The following FBN2 variants were observed in gnomAD, a reference collection of about 807,000 sequenced individuals.
FBN2 encodes the protein fibrillin 2.
FBN2 carries 105 observed loss-of-function variants against 355.6 expected under a neutral mutation model. The observed-to-expected ratio is 0.30, with a 90% confidence interval of 0.25 to 0.35. FBN2 has a LOEUF of 0.35. Among genes scored for constraint, FBN2 ranks in the 10% least tolerant of loss-of-function variants. FBN2 has a pLI of 1.00. For missense variants in FBN2, 3,280 were observed against 3,758.7 expected (o/e 0.87, Z 3.33); for synonymous variants, 1,350 against 1,301.2 (o/e 1.04, Z -0.81).
chr5:128,274,007 A>G (rs751726752), intron 60 of FBN2, 39 bp from the exon 61 acceptor site: 2 of 1,612,158 alleles, frequency 1.2e-6, no homozygotes, highest in Non-Finnish European at 1.7e-6. Context: ...AAACTTTCCA[A>G]TCATAACATG....
At chr5:128,278,569 C>G in intron 57 of FBN2, 66 bp downstream of exon 57, 4 of 1,461,604 alleles carry the variant, frequency 2.7e-6, no homozygotes, top group Non-Finnish European at 2.9e-6. Context: ...ACTTTTCCTT[C>G]ACATTTATCT....
rs1561750168 is a variant in FBN2, at chr5:128,289,195, G to C, written c.6569C>G (p.Thr2190Ser). ...ACATTCACAGCGAAAAGATCCGTCG[G>C]TGTTGATACATTGACCATTTGAACA... ...GICSNGQCINTDGSFRCECPM... is the reference protein window; with the variant it reads ...GICSNGQCINSDGSFRCECPM... Residue 2190 changes from threonine (T) to serine (S), a missense_variant, in exon 52 of 65, where the codon ACC becomes AGC. Physicochemically the swap from Thr to Ser is moderately conservative, Grantham distance 58. This residue lies in a region of FBN2 where 2,284 missense variants were observed against 2,749.5 expected (regional missense o/e 0.83). Transcript: ENST00000262464. 15 of 1,613,348 alleles carry C rather than the reference G, an allele frequency of 9.3e-6. No individual in the cohort carries two copies. Among genetic ancestry groups the C allele is most frequent in the Non-Finnish European group, 1.3e-5 (15 of 1,179,242 alleles).
chr5:128,436,492 G>A (rs1323057749), intron 7 of FBN2, among the ~76,000 whole-genome samples: 1 of 151,966 alleles, frequency 6.6e-6, no homozygotes, highest in Non-Finnish European at 1.5e-5. Flanking sequence ...CAACATAAAT[G>A]TATCATAAAA....
Position 128,538,079 on chromosome 5 carries a change from A to C in FBN2, c.-476T>G. ...ACCAGAAAGAAACAGGCAAGCAAACAAAAGTCGCCCCCAGAAGAAGAGGAG... is the reference window on the plus strand; with the variant it reads ...ACCAGAAAGAAACAGGCAAGCAAACCAAAGTCGCCCCCAGAAGAAGAGGAG... On this transcript the variant is annotated 5_prime_UTR_variant, in exon 1 of 65. Coordinates refer to ENST00000262464, the MANE Select transcript of FBN2 (RefSeq NM_001999.4). 6.1e-6 allele frequency: 1 copy of C among 163,840 alleles called. No individual in the cohort carries two copies. The highest frequency in any genetic ancestry group is 1.3e-5 in the Non-Finnish European group (1 of 75,960). The allele number at this position is 163,840 out of a possible 1,614,324, so 10.1% of individuals were successfully genotyped here.
At chr5:128,411,444 G>A (rs547937476) in intron 7 of FBN2, among the ~76,000 whole-genome samples, 25 of 152,230 alleles carry the variant, frequency 1.6e-4, no homozygotes, top group African/African-American at 3.9e-4. Flanking sequence ...GGTGGAAAGC[G>A]GACGGAGTGG....
rs550153318 is a variant in FBN2 at position 128,351,096 on chromosome 5, T to TA, written c.2675-92dup. ...ACAAAAGGCATTTGTTACAGTATTC[T>TA]AAAAAAGAAAGATTACTGGCTCACG... On this transcript the variant is annotated intron_variant, in intron 20 of 64. Coordinates refer to ENST00000262464, the MANE Select transcript of FBN2 (RefSeq NM_001999.4). 12 of 1,504,860 alleles carry TA rather than the reference T, an allele frequency of 8.0e-6. No individual in the cohort carries two copies. The African/African-American group carries it at 1.4e-4, about 17-fold the overall frequency. 93.2% of individuals were successfully genotyped at this position (1,504,860 alleles called of 1,614,324 possible).
intron 7 of FBN2, among the ~76,000 whole-genome samples, chr5:128,414,929 A>G (rs1375870957): frequency 1.3e-5 from 2 of 152,074 alleles, no homozygotes; most frequent in African/African-American, 4.8e-5. Context: ...TTGTCTTTGG[A>G]GAAATATCTG....
chr5:128,496,949 A>G (rs1368231488), intron 5 of FBN2, among the ~76,000 whole-genome samples: 1 of 152,152 alleles, frequency 6.6e-6, no homozygotes, highest in African/African-American at 2.4e-5. Context: ...CTCTATTACA[A>G]TAGCACTAAA....
Position 128,280,182 on chromosome 5 carries a change from G to A in FBN2, c.7138+10C>T, listed in dbSNP as rs1187342807. ...TCTACCAAGTATAATATATTTGGAT[G>A]TCAACTTACCAAGGCATTCAGTGCC... is the stretch of plus-strand genomic sequence containing the variant. On this transcript the variant is annotated intron_variant, in intron 56 of 64. Coordinates refer to ENST00000262464, the MANE Select transcript of FBN2 (RefSeq NM_001999.4). 4.4e-6 allele frequency: 7 copies of A among 1,608,850 alleles called. No homozygotes were observed. Among genetic ancestry groups the A allele is most frequent in the African/African-American group, 1.3e-5 (1 of 74,814 alleles).
chr5:128,333,044 C>A lies in FBN2; in HGVS notation c.4100-10G>T. On this transcript the variant is annotated splice_polypyrimidine_tract_variant and intron_variant, in intron 31 of 64. Coordinates refer to ENST00000262464, the MANE Select transcript of FBN2 (RefSeq NM_001999.4). ...TCACACTCATCCACATCTGATAAACCATAATTCATAAGAAGAAAATCAAAA... is the reference window on the plus strand; with the variant it reads ...TCACACTCATCCACATCTGATAAACAATAATTCATAAGAAGAAAATCAAAA... 1.2e-6 allele frequency: 2 copies of A among 1,607,420 alleles called. No homozygotes were observed. Among genetic ancestry groups the A allele is most frequent in the Non-Finnish European group, 1.7e-6 (2 of 1,174,040 alleles).
At chr5:128,437,815 T>TAGAC (rs1418072008) in intron 7 of FBN2, among the ~76,000 whole-genome samples, 1,168 of 109,248 alleles carry the variant, frequency 0.011, 6 homozygotes, top group East Asian at 0.037. Flanking sequence ...GATAGATAGA[T>TAGAC]AGATAGACAG....
intron 32 of FBN2, among the ~76,000 whole-genome samples, chr5:128,332,337 C>T (rs918812298): frequency 1.3e-5 from 2 of 152,166 alleles, no homozygotes; most frequent in African/African-American, 2.4e-5. Flanking sequence ...GAATGACACT[C>T]AGGGTATATT....
Position 128,537,378 on chromosome 5 carries a change from G to A in FBN2, c.226C>T (p.Arg76Trp), listed in dbSNP as rs1281702361. 1.9e-6 allele frequency: 3 copies of A among 1,610,702 alleles called. No individual in the cohort carries two copies. Among genetic ancestry groups the A allele is most frequent in the African/African-American group, 1.3e-5 (1 of 75,064 alleles). ...EGAAVASRVR[R>W]RGQQDVLRGP... Reference sequence around the variant, plus strand: ...CGGAGCACGTCCTGCTGTCCTCGCCGGCGGACGCGGCTGGCCACTGCGGCA... The same window carrying A: ...CGGAGCACGTCCTGCTGTCCTCGCCAGCGGACGCGGCTGGCCACTGCGGCA... The change falls in exon 1 of 65, where the codon CGG becomes TGG. Residue 76 changes from arginine to tryptophan, a missense_variant. By Grantham distance (101) the Arg-to-Trp change is moderately radical. Around this residue, in one of 6 missense-constraint regions of FBN2, gnomAD observed 203 missense variants for 142.2 expected, o/e 1.43. Transcript: ENST00000262464.
intron 6 of FBN2, among the ~76,000 whole-genome samples, chr5:128,451,083 C>G (rs1367182274): frequency 6.6e-6 from 1 of 152,112 alleles, no homozygotes; most frequent in African/African-American, 2.4e-5. Flanking sequence ...TAAAATATTT[C>G]ATGAACACAT....
At chr5:128,325,475 A>T (rs1165912325) in intron 34 of FBN2, among the ~76,000 whole-genome samples, 1 of 152,080 alleles carries the variant, frequency 6.6e-6, no homozygotes, top group Non-Finnish European at 1.5e-5. Context: ...ATATTCCTCC[A>T]TCCCTTTATT....
At chr5:128,397,100 G>A (rs533061751) in intron 8 of FBN2, among the ~76,000 whole-genome samples, 7 of 152,090 alleles carry the variant, frequency 4.6e-5, no homozygotes, top group South Asian at 4.1e-4. Context: ...ACCCAAAACC[G>A]AGCACTAAAT....
chr5:128,278,160 G>A (rs936059576), intron 57 of FBN2, among the ~76,000 whole-genome samples, 155 bp from the exon 58 acceptor site: 4 of 152,216 alleles, frequency 2.6e-5, no homozygotes, highest in Non-Finnish European at 4.4e-5. Flanking sequence ...CAGGTGAACA[G>A]CAACATGGAT....
chr5:128,426,685 G>A (rs1753490930), intron 7 of FBN2, among the ~76,000 whole-genome samples: 1 of 152,102 alleles, frequency 6.6e-6, no homozygotes, highest in African/African-American at 2.4e-5. Context: ...CATCCCCCAG[G>A]CTCAGAAGCC....
intron 5 of FBN2, among the ~76,000 whole-genome samples, chr5:128,517,745 T>C (rs907306867): frequency 1.3e-5 from 2 of 152,210 alleles, no homozygotes; most frequent in South Asian, 2.1e-4. Flanking sequence ...TTTTAAAATA[T>C]AAGGCTTTTT....
Sources: allele counts gnomAD v4.1 joint callset (sites outside exome capture counted in the v4.1 genomes callset), GRCh38; gene constraint gnomAD v4.1.1; regional missense constraint gnomAD v4.1.1; transcripts MANE v1.5; gene names NCBI Gene and HGNC (gene_info 2026-07-23, HGNC 2026-07-21).